Variants in NUP107 observed in about 807,000 individuals in gnomAD.
The protein encoded by NUP107 is nucleoporin 107.
A neutral mutation model predicts 141.0 loss-of-function variants in NUP107; 101 were observed. That is an observed-to-expected ratio of 0.72 (90% CI 0.61 to 0.84). The LOEUF (loss-of-function observed/expected upper bound fraction) is 0.84. Among genes scored for constraint, NUP107 ranks in the 40% least tolerant of loss-of-function variants. The probability of loss-of-function intolerance (pLI) is 0.00; values close to 1 mark genes in which losing one functional copy is unlikely to be tolerated. For synonymous variants in NUP107, 319 were observed against 363.9 expected (o/e 0.88, Z 1.41); for missense variants, 941 against 1,102.7 (o/e 0.85, Z 2.08).
chr12:68,692,840 C>T (rs1053660451), intron 5 of NUP107, among the ~76,000 whole-genome samples: 3 of 150,736 alleles, frequency 2.0e-5, no homozygotes, highest in African/African-American at 7.3e-5. Context: ...ACCTCCGCCT[C>T]CCAGGTTTAA....
At chr12:68,690,445 C>T in intron 3 of NUP107, 186 bp from the exon 4 acceptor site, 1 of 757,770 alleles carries the variant, frequency 1.3e-6, no homozygotes, top group African/African-American at 1.8e-5. Context: ...GTACCTACAG[C>T]TCAAATTTAG....
At chr12:68,741,754 C>G in intron 26 of NUP107, 59 bp from the exon 27 acceptor site, 1 of 1,517,324 alleles carries the variant, frequency 6.6e-7, no homozygotes, top group South Asian at 1.2e-5. Flanking sequence ...CCTGGCTTTT[C>G]TTTTTGTAAG....
At chr12:68,741,508 A>G (rs2136056197) in intron 26 of NUP107, among the ~76,000 whole-genome samples, 1 of 152,278 alleles carries the variant, frequency 6.6e-6, no homozygotes, top group Admixed American at 6.5e-5. Context: ...ATATGTATAA[A>G]CATCCAAAGG....
In NUP107 at chr12:68,719,405, T is replaced by C; in HGVS notation, c.1148T>C (p.Leu383Pro). Residue 383 changes from leucine to proline, a missense_variant, in exon 13 of 28, where the codon CTG becomes CCG. Physicochemically the swap from Leu to Pro is moderately conservative, Grantham distance 98. Transcript: ENST00000229179. The part of the protein sequence containing the change: ...WRAATLEGWK[L>P]YHDPNVNGGT... ...GCTGCAACACTTGAAGGCTGGAAACTGTACCATGACCCTAATGTTAATGGA... is the reference window on the plus strand; with the variant it reads ...GCTGCAACACTTGAAGGCTGGAAACCGTACCATGACCCTAATGTTAATGGA... 1 of 1,614,164 alleles carries C rather than the reference T, an allele frequency of 6.2e-7. No individual in the cohort carries two copies. The highest frequency in any genetic ancestry group is 8.5e-7 in the Non-Finnish European group (1 of 1,179,990).
intron 6 of NUP107, 31 bp downstream of exon 6, chr12:68,696,953 A>G: frequency 7.5e-7 from 1 of 1,334,492 alleles, no homozygotes; most frequent in South Asian, 1.2e-5. Flanking sequence ...CGTTAGTCAA[A>G]CTTCAGTATT....
intron 26 of NUP107, among the ~76,000 whole-genome samples, chr12:68,735,728 TA>T (rs1290916282): frequency 6.6e-6 from 1 of 152,180 alleles, no homozygotes; most frequent in Admixed American, 6.5e-5. Flanking sequence ...GCAGACTTTT[TA>T]AAAACACTAC....
At chr12:68,739,343 A>G (rs1402318178) in intron 26 of NUP107, among the ~76,000 whole-genome samples, 1 of 152,170 alleles carries the variant, frequency 6.6e-6, no homozygotes, top group East Asian at 1.9e-4. Flanking sequence ...TGAAGGGAGT[A>G]ACCTTGTTTT....
chr12:68,716,354 C>T (rs961394739), intron 12 of NUP107, among the ~76,000 whole-genome samples: 2 of 151,644 alleles, frequency 1.3e-5, no homozygotes, highest in Admixed American at 1.3e-4. Flanking sequence ...CCTCAGCCTC[C>T]TGAGTAACTG....
chr12:68,711,228 G>A (rs970384824), intron 10 of NUP107, among the ~76,000 whole-genome samples: 25 of 152,078 alleles, frequency 1.6e-4, no homozygotes, highest in Non-Finnish European at 3.2e-4. Context: ...GCGGGCGCCT[G>A]TAGTCCCAGC....
rs764996080 is a variant in NUP107, at chr12:68,722,158, T to C, written c.1506+6T>C. ...TTCAAGCTACTGACAAAAAGGTAAATGTTAATAGGAATATGTTAGGTATCT... is the reference window on the plus strand; with the variant it reads ...TTCAAGCTACTGACAAAAAGGTAAACGTTAATAGGAATATGTTAGGTATCT... On this transcript the variant is annotated splice_donor_region_variant and intron_variant, in intron 17 of 27. Transcript: ENST00000229179. 1 of 1,611,920 alleles carries C rather than the reference T, an allele frequency of 6.2e-7. No homozygotes were observed. Among genetic ancestry groups the C allele is most frequent in the Non-Finnish European group, 8.5e-7 (1 of 1,178,332 alleles).
Position 68,735,364 on chromosome 12 carries a change from T to A in NUP107, c.2502+20T>A. 1 of 1,576,194 alleles carries A rather than the reference T, an allele frequency of 6.3e-7. No homozygotes were observed. On this transcript the variant is annotated intron_variant, in intron 26 of 27. Transcript: ENST00000229179. ...AGAGAGGTAAGCTGTGTGCATTGTTTATAGCCAAAAACCAAAACACTCACC... is the reference window on the plus strand; with the variant it reads ...AGAGAGGTAAGCTGTGTGCATTGTTAATAGCCAAAAACCAAAACACTCACC...
intron 10 of NUP107, among the ~76,000 whole-genome samples, chr12:68,710,770 G>C (rs558405580): frequency 6.6e-6 from 1 of 151,784 alleles, no homozygotes; most frequent in Non-Finnish European, 1.5e-5. Flanking sequence ...TAACATTTAC[G>C]TTGTATTAGG....
intron 8 of NUP107, 75 bp from the exon 9 acceptor site, chr12:68,709,163 C>T: frequency 2.0e-6 from 2 of 1,014,570 alleles, no homozygotes; most frequent in Non-Finnish European, 3.0e-6. Flanking sequence ...GGCTTTTTAT[C>T]TTTCTATTAA....
chr12:68,721,829 A>G lies in NUP107; in HGVS notation c.1312-12A>G. The G allele has an allele frequency of 1.9e-6, 3 of 1,608,460 alleles. No individual in the cohort carries two copies. Among genetic ancestry groups the G allele is most frequent in the Non-Finnish European group, 2.5e-6 (3 of 1,178,478 alleles). On this transcript the variant is annotated splice_polypyrimidine_tract_variant and intron_variant, in intron 15 of 27. Transcript: ENST00000229179. ...TATGTCTATATGTTTCTGTTTTGTA[A>G]TGGGGAAAAAGCTGCTTCCTGTCTG...
In NUP107 at chr12:68,745,297, A is replaced by C. The variant is rs1878482966; in HGVS notation, c.*2835A>C. The C allele has an allele frequency of 6.6e-6, 1 of 152,228 alleles. No homozygotes were observed. The highest frequency in any genetic ancestry group is 1.5e-5 in the Non-Finnish European group (1 of 68,038). 9.4% of individuals were successfully genotyped at this position (152,228 alleles called of 1,614,324 possible). On this transcript the variant is annotated 3_prime_UTR_variant, in exon 28 of 28. Transcript: ENST00000229179. ...CTGAATTAATCCTAGACTCTGTCTTAAAACTAAGAATTGATGTATTGGCAG... is the reference window on the plus strand; with the variant it reads ...CTGAATTAATCCTAGACTCTGTCTTCAAACTAAGAATTGATGTATTGGCAG...
chr12:68,695,533 A>G (rs1876009755), intron 5 of NUP107, among the ~76,000 whole-genome samples: 3 of 152,208 alleles, frequency 2.0e-5, no homozygotes, highest in Admixed American at 2.0e-4. Context: ...GCAATACTCT[A>G]TGGTTCCACT....
chr12:68,733,464 A>T lies in NUP107; in HGVS notation c.2114A>T (p.His705Leu), dbSNP rs199660495. 3.0e-5 allele frequency: 49 copies of T among 1,610,594 alleles called. 1 individual carries two copies. In the African/African-American group the frequency reaches 6.0e-4, roughly 20 times the overall value. ...IMRKFLASKK[H>L]EAAKEVFVKI... The stretch of plus-strand genomic sequence containing the variant: ...TCTTTTTTCACAGCATCAAAAAAGC[A>T]CGAAGCTGCAAAAGAAGTATTTGTG... Residue 705 changes from histidine to leucine, a missense_variant, in exon 24 of 28, where the codon CAC becomes CTC. By Grantham distance (99) the His-to-Leu change is moderately conservative. Coordinates refer to ENST00000229179, the MANE Select transcript of NUP107 (RefSeq NM_020401.4).
Position 68,688,997 on chromosome 12 carries a change from G to C in NUP107, c.44G>C (p.Arg15Pro). 1 of 1,613,576 alleles carries C rather than the reference G, an allele frequency of 6.2e-7. No homozygotes were observed. Among genetic ancestry groups the C allele is most frequent in the Non-Finnish European group, 8.5e-7 (1 of 1,179,714 alleles). ...GGAGAGATATCATCCCCTGTAATCC[G>C]GGAGGCAGAGGTGACACGGACTGCA... is the stretch of plus-strand genomic sequence containing the variant. Reference protein sequence around the residue: ...GFGEISSPVIREAEVTRTARK... With the variant: ...GFGEISSPVIPEAEVTRTARK... Residue 15 changes from arginine (R) to proline (P), a missense_variant, in exon 2 of 28, where the codon CGG (arginine) becomes CCG (proline). By Grantham distance (103) the Arg-to-Pro change is moderately radical. Coordinates refer to ENST00000229179, the MANE Select transcript of NUP107 (RefSeq NM_020401.4).
intron 20 of NUP107, 68 bp from the exon 21 acceptor site, chr12:68,731,042 C>A: frequency 9.6e-7 from 1 of 1,039,168 alleles, no homozygotes; most frequent in Non-Finnish European, 1.4e-6. Context: ...CTCCTGAATA[C>A]ATTTGAAATT....
Sources: allele counts gnomAD v4.1 joint callset (sites outside exome capture counted in the v4.1 genomes callset), GRCh38; gene constraint gnomAD v4.1.1; transcripts MANE v1.5; gene names NCBI Gene and HGNC (gene_info 2026-07-23, HGNC 2026-07-21).